Variants in CCSER1 observed in about 807,000 individuals in gnomAD.
The protein encoded by CCSER1 is coiled-coil serine rich protein 1, also known as serine-rich coiled-coil domain-containing protein 1.
In CCSER1, 41 loss-of-function variants were observed where a neutral mutation model predicts 82.0. That is an observed-to-expected ratio of 0.50 (90% confidence interval 0.39 to 0.65). The LOEUF is 0.65. CCSER1 is among the 30% of genes least tolerant of loss of function. CCSER1 has a pLI of 0.00. For missense variants in CCSER1, 1,119 were observed against 1,064.2 expected (o/e 1.05, Z -0.72); for synonymous variants, 414 against 383.9 (o/e 1.08, Z -0.92).
At chr4:91,224,110 T>A (rs896538250) in intron 10 of CCSER1, among the ~76,000 whole-genome samples, 1 of 151,700 alleles carries the variant, frequency 6.6e-6, no homozygotes, top group African/African-American at 2.4e-5. Flanking sequence ...CTTGAAAATA[T>A]TAATAACTCC....
At chr4:91,400,212 C>T (rs1220171236) in intron 10 of CCSER1, among the ~76,000 whole-genome samples, 1 of 151,954 alleles carries the variant, frequency 6.6e-6, no homozygotes, top group Non-Finnish European at 1.5e-5. Context: ...CTTGGTTTTT[C>T]AGATTTAATA....
chr4:91,507,735 G>A (rs969882154), intron 10 of CCSER1, among the ~76,000 whole-genome samples: 1 of 151,354 alleles, frequency 6.6e-6, no homozygotes, highest in African/African-American at 2.4e-5. Context: ...GTCCTTAGAA[G>A]CAATTTAAAA....
intron 6 of CCSER1, among the ~76,000 whole-genome samples, chr4:90,709,716 G>C (rs1014001734): frequency 3.3e-5 from 5 of 152,054 alleles, no homozygotes; most frequent in Non-Finnish European, 7.4e-5. Context: ...CCATGTCTTT[G>C]CTATTGTGAA....
chr4:90,701,549 G>A (rs563890390), intron 6 of CCSER1, among the ~76,000 whole-genome samples: 50 of 152,206 alleles, frequency 3.3e-4, no homozygotes, highest in African/African-American at 1.1e-3. Context: ...GATGGGGATG[G>A]CATTGAATCT....
intron 4 of CCSER1, among the ~76,000 whole-genome samples, chr4:90,446,825 T>C (rs1185249811): frequency 6.6e-6 from 1 of 152,168 alleles, no homozygotes; most frequent in African/African-American, 2.4e-5. Context: ...CCTCTCCTCT[T>C]CCTCTTCCTT....
chr4:90,220,033 A>C (rs1266118475), intron 1 of CCSER1, among the ~76,000 whole-genome samples: 1 of 152,180 alleles, frequency 6.6e-6, no homozygotes, highest in African/African-American at 2.4e-5. Context: ...CCTGTGGTCA[A>C]TCCTAGTCTG....
chr4:90,478,562 C>G (rs545127309), intron 5 of CCSER1, among the ~76,000 whole-genome samples: 1 of 152,008 alleles, frequency 6.6e-6, no homozygotes. Context: ...ATATTAGGCA[C>G]CATACTGTAA....
chr4:91,535,328 A>G (rs922749296), intron 10 of CCSER1, among the ~76,000 whole-genome samples: 3 of 152,056 alleles, frequency 2.0e-5, no homozygotes, highest in Non-Finnish European at 4.4e-5. Flanking sequence ...ACTTTCAGTA[A>G]TATTTTGAGA....
intron 10 of CCSER1, among the ~76,000 whole-genome samples, chr4:91,182,807 G>A (rs1734164674): frequency 6.6e-6 from 1 of 152,196 alleles, no homozygotes; most frequent in South Asian, 2.1e-4. Context: ...TCTCCCAAAT[G>A]AGGGAACATG....
chr4:90,309,265 G>A lies in CCSER1; in HGVS notation c.981G>A (p.Glu327=), dbSNP rs35057072. The A allele has an allele frequency of 0.011, 18,113 of 1,613,808 alleles. 429 individuals are homozygous for A. The highest frequency in any genetic ancestry group is 0.097 in the African/African-American group (7,293 of 74,968). The stretch of plus-strand genomic sequence containing the variant: ...TGTCTCCTGGGAAATATAGGTTAGA[G>A]GGTCAATGTAGCACTGAATCTAATT... ...AIMSPGKYRL[E]GQCSTESNSL... is the part of the protein sequence containing the mutation. Residue 327 remains glutamate (E), a synonymous_variant, in exon 2 of 11, where the codon GAG becomes GAA. Coordinates refer to ENST00000509176, the MANE Select transcript of CCSER1 (RefSeq NM_001145065.2).
chr4:91,161,419 G>C, intron 10 of CCSER1, among the ~76,000 whole-genome samples: 1 of 152,136 alleles, frequency 6.6e-6, no homozygotes, highest in Non-Finnish European at 1.5e-5. Flanking sequence ...CTTTAAAGTA[G>C]TTTTTTCCAA....
At chr4:90,844,735 A>C (rs1762992578) in intron 8 of CCSER1, among the ~76,000 whole-genome samples, 1 of 151,946 alleles carries the variant, frequency 6.6e-6, no homozygotes, top group African/African-American at 2.4e-5. Context: ...ACATGATACT[A>C]TCTAATTATT....
chr4:90,625,646 C>T (rs1723122928), intron 5 of CCSER1, among the ~76,000 whole-genome samples: 1 of 152,006 alleles, frequency 6.6e-6, no homozygotes, highest in Middle Eastern at 3.2e-3. Context: ...TTGTGGTGAA[C>T]CTCTTAAAGT....
At chr4:90,764,203 T>C (rs1026862666) in intron 7 of CCSER1, among the ~76,000 whole-genome samples, 13 of 152,096 alleles carry the variant, frequency 8.5e-5, no homozygotes, top group African/African-American at 3.1e-4. Flanking sequence ...TAAAAATCAA[T>C]GAGAGCAAGC....
intron 10 of CCSER1, among the ~76,000 whole-genome samples, chr4:91,471,969 CAAAAA>C (rs11313305): frequency 2.3e-5 from 2 of 88,138 alleles, no homozygotes; most frequent in Non-Finnish European, 4.7e-5. Flanking sequence ...CACTCCATCT[CAAAAA>C]AAAAAAAAAA....
chr4:90,268,489 G>A (rs72879705), intron 1 of CCSER1, among the ~76,000 whole-genome samples: 3,168 of 151,858 alleles, frequency 0.021, 71 homozygotes, highest in African/African-American at 0.058. Context: ...AAAATAATGG[G>A]TTATACTATA....
intron 3 of CCSER1, among the ~76,000 whole-genome samples, chr4:90,386,073 A>G (rs1465725818): frequency 6.6e-6 from 1 of 152,182 alleles, no homozygotes; most frequent in Non-Finnish European, 1.5e-5. Context: ...GTGAAAATGA[A>G]CATACTACCC....
intron 10 of CCSER1, among the ~76,000 whole-genome samples, chr4:91,222,246 G>A (rs1307295137): frequency 6.6e-6 from 1 of 151,292 alleles, no homozygotes; most frequent in African/African-American, 2.4e-5. Flanking sequence ...GCACAGCCGA[G>A]AGAGGCGTAT....
chr4:91,473,774 G>A (rs897495335), intron 10 of CCSER1, among the ~76,000 whole-genome samples: 1 of 151,950 alleles, frequency 6.6e-6, no homozygotes, highest in African/African-American at 2.4e-5. Flanking sequence ...CAGAAACTAT[G>A]GGCCTGTTAT....
Sources: allele counts gnomAD v4.1 joint callset (sites outside exome capture counted in the v4.1 genomes callset), GRCh38; gene constraint gnomAD v4.1.1; transcripts MANE v1.5; gene names NCBI Gene and HGNC (gene_info 2026-07-23, HGNC 2026-07-21).